Variants in ITGAM observed in about 807,000 individuals in gnomAD.
ITGAM encodes integrin subunit alpha M.
ITGAM carries 79 observed loss-of-function variants against 137.5 expected under a neutral mutation model. The observed-to-expected ratio is 0.57, with a 90% CI of 0.48 to 0.69. The LOEUF is 0.69. Among genes scored for constraint, ITGAM ranks in the 30% least tolerant of loss-of-function variants. The pLI is 0.00. For synonymous variants in ITGAM, 583 were observed against 592.3 expected, an observed-to-expected ratio of 0.98 and a Z score of 0.23; for missense variants, 1,343 against 1,483.5, an observed-to-expected ratio of 0.91 and a Z score of 1.56.
At position 31,271,146 on chromosome 16, in the gene ITGAM, G is replaced by A. The variant is rs546828213; in HGVS notation, c.558+62G>A. 44 of 1,339,076 alleles carry A rather than the reference G, an allele frequency of 3.3e-5. No homozygotes were observed. The South Asian group carries it at 5.9e-4, about 18-fold the overall frequency. 82.9% of individuals were successfully genotyped at this position (1,339,076 alleles called of 1,614,324 possible). ...CGGGGCTGGAAGATACATGGCAACC[G>A]GGCCACCATGTTCTCCTCCCAGTTC... On this transcript the variant is annotated intron_variant, in intron 6 of 29. Transcript: ENST00000544665.
At chr16:31,328,554 T>C (rs368070489) in intron 23 of ITGAM, among the ~76,000 whole-genome samples, 115 of 152,052 alleles carry the variant, frequency 7.6e-4, no homozygotes, top group African/African-American at 2.8e-3. Context: ...TGTGCGTGTG[T>C]GTGAGGATCC....
Position 31,329,264 on chromosome 16 carries a change from C to T in ITGAM, c.2829C>T (p.Ala943=), listed in dbSNP as rs1847576470. The T allele has an allele frequency of 3.1e-6, 5 of 1,613,204 alleles. No individual in the cohort carries two copies. Among genetic ancestry groups the T allele is most frequent in the Non-Finnish European group, 4.2e-6 (5 of 1,179,466 alleles). The change falls in exon 24 of 30, where the codon GCC becomes GCT. Residue 943 remains alanine (A), a synonymous_variant. Coordinates refer to ENST00000544665, the MANE Select transcript of ITGAM (RefSeq NM_000632.4). ...CCACTAAATATCTCAACTTCACGGC[C>T]TCAGAGAATACCAGTCGGGTCATGC... The part of the protein sequence containing the change: ...GVSTKYLNFT[A]SENTSRVMQH...
chr16:31,314,131 C>A (rs1252595867), intron 14 of ITGAM, among the ~76,000 whole-genome samples: 3 of 151,938 alleles, frequency 2.0e-5, no homozygotes, highest in Admixed American at 6.6e-5. Flanking sequence ...GGATATTAGA[C>A]CTTTGTCAGA....
chr16:31,271,127 T>C, intron 6 of ITGAM, 43 bp downstream of exon 6: 1 of 1,431,560 alleles, frequency 7.0e-7, no homozygotes, highest in Non-Finnish European at 9.3e-7. Flanking sequence ...CACACGGGGC[T>C]GGAAGATACA....
At chr16:31,291,808 G>A (rs1342069270) in intron 12 of ITGAM, among the ~76,000 whole-genome samples, 1 of 151,978 alleles carries the variant, frequency 6.6e-6, no homozygotes, top group African/African-American at 2.4e-5. Context: ...AGGAGGATGG[G>A]GTAAAGAGGG....
chr16:31,266,033 T>C lies in ITGAM; in HGVS notation c.313T>C (p.Cys105Arg), dbSNP rs1596969303. The C allele has an allele frequency of 6.2e-7, 1 of 1,613,354 alleles. No individual in the cohort carries two copies. Among genetic ancestry groups the C allele is most frequent in the Non-Finnish European group, 8.5e-7 (1 of 1,179,476 alleles). The part of the protein sequence containing the change: ...ATTSPPQLLA[C>R]GPTVHQTCSE... ...TCCACTGGCTCCTGTCCCCTAGGCCTGTGGTCCCACCGTGCACCAGACTTG... is the reference window on the plus strand; with the variant it reads ...TCCACTGGCTCCTGTCCCCTAGGCCCGTGGTCCCACCGTGCACCAGACTTG... Residue 105 changes from cysteine (C) to arginine (R), a missense_variant, in exon 5 of 30, where the codon TGT (cysteine) becomes CGT (arginine). Transcript: ENST00000544665.
At chr16:31,314,978 A>G (rs947280335) in intron 14 of ITGAM, among the ~76,000 whole-genome samples, 1 of 151,362 alleles carries the variant, frequency 6.6e-6, no homozygotes, top group Non-Finnish European at 1.5e-5. Flanking sequence ...ACACCCAGCT[A>G]ATTTTTGTAT....
chr16:31,325,877 G>A (rs1312458369), intron 21 of ITGAM, among the ~76,000 whole-genome samples: 2 of 152,034 alleles, frequency 1.3e-5, no homozygotes, highest in Non-Finnish European at 2.9e-5. Context: ...ACCAGCCTGG[G>A]TGACACGGCG....
chr16:31,328,124 T>C, intron 22 of ITGAM, 23 bp from the exon 23 acceptor site: 1 of 1,591,334 alleles, frequency 6.3e-7, no homozygotes, highest in Non-Finnish European at 8.6e-7. Flanking sequence ...AAGAGCCGGC[T>C]GGAGCTCTTT....
At chr16:31,280,788 C>T (rs1341216282) in intron 12 of ITGAM, among the ~76,000 whole-genome samples, 1 of 152,170 alleles carries the variant, frequency 6.6e-6, no homozygotes, top group Admixed American at 6.5e-5. Context: ...GCATCTCTGT[C>T]ATGTGCCAGT....
At chr16:31,330,791 A>G (rs950121665) in intron 28 of ITGAM, among the ~76,000 whole-genome samples, 186 bp downstream of exon 28, 3 of 138,362 alleles carry the variant, frequency 2.2e-5, no homozygotes, top group Admixed American at 7.0e-5. Flanking sequence ...CAGAGGGAGA[A>G]ACAGACACAG....
intron 12 of ITGAM, among the ~76,000 whole-genome samples, chr16:31,290,660 C>T (rs1271247509): frequency 6.6e-6 from 1 of 151,870 alleles, no homozygotes; most frequent in Non-Finnish European, 1.5e-5. Context: ...TGCTTTTCAC[C>T]TAAAATTGGA....
chr16:31,273,821 C>G (rs1321860960), intron 8 of ITGAM: 2 of 253,462 alleles, frequency 7.9e-6, no homozygotes, highest in African/African-American at 4.5e-5. Flanking sequence ...GCCAGGCTCT[C>G]TCTGTTTCTG....
chr16:31,326,875 T>C lies in ITGAM; in HGVS notation c.2648T>C (p.Phe883Ser). The C allele has an allele frequency of 6.2e-7, 1 of 1,612,528 alleles. No homozygotes were observed. The highest frequency in any genetic ancestry group is 2.2e-5 in the East Asian group (1 of 44,872). Residue 883 changes from phenylalanine to serine, a missense_variant, in exon 22 of 30, where the codon TTT (phenylalanine) becomes TCT (serine). Coordinates refer to ENST00000544665, the MANE Select transcript of ITGAM (RefSeq NM_000632.4). ...ENSEVTFNIT[F>S]DVDSKASLGN... ...CTCCAGGTCACCTTTAATATCACGT[T>C]TGATGTAGACTCTAAGGCTTCCCTT...
At position 31,325,175 on chromosome 16, in the gene ITGAM, A is replaced by G. The variant is rs552011813; in HGVS notation, c.2364-88A>G. ...GCCCCTCCACTGTTGTCTCTTCATC[A>G]AGTGTCTGCGTCTCTGTTCTGCTGG... On this transcript the variant is annotated intron_variant, in intron 19 of 29. Coordinates refer to ENST00000544665, the MANE Select transcript of ITGAM (RefSeq NM_000632.4). 5.3e-6 allele frequency: 8 copies of G among 1,517,542 alleles called. No homozygotes were observed. In the South Asian group the frequency reaches 7.7e-5, roughly 15 times the overall value. 94.0% of individuals were successfully genotyped at this position (1,517,542 alleles called of 1,614,324 possible).
At chr16:31,302,988 CTTTCT>C (rs1162715772) in intron 14 of ITGAM, among the ~76,000 whole-genome samples, 13 of 83,886 alleles carry the variant, frequency 1.5e-4, no homozygotes, top group Non-Finnish European at 9.7e-5. Flanking sequence ...TTCTTTCTTT[CTTTCT>C]TTCTTTTTCT....
chr16:31,325,788 C>T (rs186126271), intron 21 of ITGAM, among the ~76,000 whole-genome samples, 166 bp downstream of exon 21: 77 of 152,216 alleles, frequency 5.1e-4, no homozygotes, highest in Non-Finnish European at 8.7e-4. Context: ...ATTTCAAGCC[C>T]GGCACAGTGG....
At position 31,266,051 on chromosome 16, in the gene ITGAM, C is replaced by G; in HGVS notation, c.331C>G (p.Gln111Glu). The G allele has an allele frequency of 6.2e-7, 1 of 1,613,884 alleles. No individual in the cohort carries two copies. The highest frequency in any genetic ancestry group is 8.5e-7 in the Non-Finnish European group (1 of 1,179,872). The change falls in exon 5 of 30, where the codon CAG (glutamine) becomes GAG (glutamate). Residue 111 changes from glutamine to glutamate, a missense_variant. Physicochemically the swap from Gln to Glu is conservative, Grantham distance 29. Coordinates refer to ENST00000544665, the MANE Select transcript of ITGAM (RefSeq NM_000632.4). ...QLLACGPTVH[Q>E]TCSENTYVKG... The stretch of plus-strand genomic sequence containing the variant: ...CTAGGCCTGTGGTCCCACCGTGCAC[C>G]AGACTTGCAGTGAGAACACGTATGT...
At chr16:31,273,587 T>A in intron 8 of ITGAM, 69 bp downstream of exon 8, 1 of 1,472,908 alleles carries the variant, frequency 6.8e-7, no homozygotes, top group Non-Finnish European at 9.4e-7. Flanking sequence ...CTCCCTTCAA[T>A]TTGCAAATAT....
Sources: allele counts gnomAD v4.1 joint callset (sites outside exome capture counted in the v4.1 genomes callset), GRCh38; gene constraint gnomAD v4.1.1; transcripts MANE v1.5; gene names NCBI Gene and HGNC (gene_info 2026-07-23, HGNC 2026-07-21).